Variants in CDH12 observed in about 807,000 individuals in gnomAD.
CDH12 encodes cadherin-12.
A neutral mutation model predicts 74.1 loss-of-function variants in CDH12; 41 were observed. The ratio of observed to expected loss-of-function variants is 0.55; its 90% CI spans 0.43 to 0.72. The LOEUF (loss-of-function observed/expected upper bound fraction) is 0.72. Ranked by LOEUF, CDH12 falls within the 30% of genes least tolerant of loss-of-function variation. CDH12 has a pLI of 0.00. For missense variants in CDH12, 945 were observed against 977.2 expected (o/e 0.97, Z 0.44); for synonymous variants, 399 against 355.0 (o/e 1.12, Z -1.39).
At chr5:22,536,963 T>A (rs1235185835) in intron 1 of CDH12, among the ~76,000 whole-genome samples, 1 of 152,162 alleles carries the variant, frequency 6.6e-6, no homozygotes, top group East Asian at 1.9e-4. Context: ...TCAACATTCA[T>A]TAAAAAGATT....
intron 1 of CDH12, among the ~76,000 whole-genome samples, chr5:22,768,921 C>G (rs920642): frequency 0.035 from 5,273 of 152,168 alleles, 277 homozygotes; most frequent in East Asian, 0.17. Flanking sequence ...TATTTTATAG[C>G]AATATTTTAA....
intron 8 of CDH12, among the ~76,000 whole-genome samples, chr5:21,838,912 T>C (rs1379413043): frequency 6.6e-6 from 1 of 152,234 alleles, no homozygotes; most frequent in African/African-American, 2.4e-5. Context: ...TTCCACTTGC[T>C]GTAACTTTGT....
chr5:22,335,297 C>G (rs906300884), intron 3 of CDH12, among the ~76,000 whole-genome samples: 2 of 152,082 alleles, frequency 1.3e-5, no homozygotes. Flanking sequence ...CAGGTCTTTC[C>G]CTTGCTGTTC....
At chr5:22,548,847 C>T (rs1473179412) in intron 1 of CDH12, among the ~76,000 whole-genome samples, 1 of 152,134 alleles carries the variant, frequency 6.6e-6, no homozygotes, top group African/African-American at 2.4e-5. Context: ...TCCCTCCATT[C>T]TTGTCTCTCT....
intron 3 of CDH12, among the ~76,000 whole-genome samples, chr5:22,308,080 C>A (rs538317020): frequency 6.6e-6 from 1 of 151,732 alleles, no homozygotes; most frequent in African/African-American, 2.4e-5. Flanking sequence ...CGGGGTTTCA[C>A]CACGTTAGCC....
chr5:22,719,574 A>G (rs1743770601), intron 1 of CDH12, among the ~76,000 whole-genome samples: 1 of 152,066 alleles, frequency 6.6e-6, no homozygotes, highest in Non-Finnish European at 1.5e-5. Context: ...GCACATCAAA[A>G]ATATTTAATA....
intron 2 of CDH12, among the ~76,000 whole-genome samples, chr5:22,418,623 C>T (rs1255648672): frequency 6.6e-6 from 1 of 152,088 alleles, no homozygotes; most frequent in Non-Finnish European, 1.5e-5. Context: ...GTAGCTCGCG[C>T]CTGTAATCCC....
At position 21,755,836 on chromosome 5, in the gene CDH12, G is replaced by A; in HGVS notation, c.1640C>T (p.Thr547Ile). Residue 547 changes from threonine (T) to isoleucine (I), a missense_variant, in exon 14 of 15, where the codon ACA becomes ATA. Around this residue, in one of 3 missense-constraint regions of CDH12, gnomAD observed 791 missense variants for 792.8 expected, o/e 1.00. Transcript: ENST00000382254. ...ATTTCTTCGGGTTTCAATCCCCGCT[G>A]TGTTGTCTACAAAACATGACATTTA... ...NFTVRDFRNN[T>I]AGIETRRNGY... is the part of the protein sequence containing the mutation. The A allele has an allele frequency of 1.2e-6, 2 of 1,613,970 alleles. No homozygotes were observed. The highest frequency in any genetic ancestry group is 1.7e-6 in the Non-Finnish European group (2 of 1,179,888).
intron 3 of CDH12, among the ~76,000 whole-genome samples, chr5:22,371,991 T>C (rs879233792): frequency 6.6e-6 from 1 of 152,094 alleles, no homozygotes; most frequent in Admixed American, 6.6e-5. Context: ...TAACACAAAG[T>C]TTGGATTCAG....
At chr5:21,763,052 C>T (rs1744816430) in intron 12 of CDH12, among the ~76,000 whole-genome samples, 1 of 152,098 alleles carries the variant, frequency 6.6e-6, no homozygotes, top group African/African-American at 2.4e-5. Context: ...GCTGCAGGCT[C>T]ATCCCATATA....
chr5:22,614,041 A>G, intron 1 of CDH12, among the ~76,000 whole-genome samples: 1 of 152,096 alleles, frequency 6.6e-6, no homozygotes, highest in Non-Finnish European at 1.5e-5. Context: ...CATATATCTC[A>G]TTTTTTAAAG....
intron 3 of CDH12, among the ~76,000 whole-genome samples, chr5:22,342,630 A>G (rs111286144): frequency 2.7e-5 from 1 of 37,214 alleles, no homozygotes; most frequent in Admixed American, 2.7e-4. Context: ...TTCCTTTTCT[A>G]TTTCTTTCTC....
intron 3 of CDH12, among the ~76,000 whole-genome samples, chr5:22,295,101 C>T (rs901889007): frequency 6.6e-6 from 1 of 152,144 alleles, no homozygotes; most frequent in African/African-American, 2.4e-5. Flanking sequence ...CTTAAAAACC[C>T]TCTCACCTTT....
At chr5:22,487,238 G>A (rs1399265742) in intron 2 of CDH12, among the ~76,000 whole-genome samples, 1 of 151,976 alleles carries the variant, frequency 6.6e-6, no homozygotes, top group Non-Finnish European at 1.5e-5. Flanking sequence ...CTGACCTCAG[G>A]TGATCCACCC....
chr5:22,298,668 T>G (rs148856544), intron 3 of CDH12, among the ~76,000 whole-genome samples: 1 of 152,066 alleles, frequency 6.6e-6, no homozygotes, highest in Non-Finnish European at 1.5e-5. Context: ...ACACCACCAG[T>G]TGGTTATATT....
chr5:21,843,518 C>T (rs1579818389), intron 7 of CDH12, among the ~76,000 whole-genome samples: 1 of 145,088 alleles, frequency 6.9e-6, no homozygotes, highest in East Asian at 2.0e-4. Flanking sequence ...TGTACTGACA[C>T]TTTTTTTTTT....
intron 4 of CDH12, among the ~76,000 whole-genome samples, chr5:22,118,428 C>A (rs1313743345): frequency 6.6e-6 from 1 of 152,006 alleles, no homozygotes; most frequent in East Asian, 1.9e-4. Context: ...GCTACAATAA[C>A]CTCTTGTGAC....
At chr5:22,722,510 T>C (rs1230162236) in intron 1 of CDH12, among the ~76,000 whole-genome samples, 2 of 152,200 alleles carry the variant, frequency 1.3e-5, no homozygotes, top group Admixed American at 1.3e-4. Flanking sequence ...GATAAATAAC[T>C]ATGATAAAAT....
intron 1 of CDH12, among the ~76,000 whole-genome samples, chr5:22,686,242 TC>T (rs1741791635): frequency 6.6e-6 from 1 of 152,138 alleles, no homozygotes; most frequent in South Asian, 2.1e-4. Context: ...TTGTCTTATT[TC>T]TGAGTTGTAA....
Sources: gnomAD v4.1 joint callset for allele counts (sites outside exome capture counted in the v4.1 genomes callset) on GRCh38, gnomAD v4.1.1 for gene constraint, gnomAD v4.1.1 regional missense constraint, MANE v1.5 for transcripts, NCBI Gene and HGNC (gene_info 2026-07-23, HGNC 2026-07-21) for gene names.